PANX1: variants seen among roughly 807,000 people sequenced by gnomAD.
PANX1 encodes the protein pannexin-1.
A neutral mutation model predicts 38.7 loss-of-function variants in PANX1; 30 were observed. The ratio of observed to expected loss-of-function variants is 0.78; its 90% CI spans 0.58 to 1.05. The LOEUF (loss-of-function observed/expected upper bound fraction) is 1.05, where lower values mean the gene tolerates loss of function less well. Ranked by LOEUF, PANX1 falls within the 50% of genes least tolerant of loss-of-function variation. The pLI is 0.00. For missense variants in PANX1, 551 were observed against 517.2 expected, an observed-to-expected ratio of 1.07 and a Z score of -0.63; for synonymous variants, 230 against 212.2, an observed-to-expected ratio of 1.08 and a Z score of -0.73.
Position 94,164,770 on chromosome 11 carries a change from C to T in PANX1, c.321+11140C>T, listed in dbSNP as rs550355024. Among the ~76,000 whole-genome samples, 182 of 152,230 alleles carry T rather than the reference C, an allele frequency of 1.2e-3. 2 individuals carry two copies. Among genetic ancestry groups the T allele is most frequent in the African/African-American group, 3.5e-3 (144 of 41,554 alleles). On this transcript the variant is annotated intron_variant, in intron 2 of 4. Coordinates refer to ENST00000227638, the MANE Select transcript of PANX1 (RefSeq NM_015368.4). ...AGATGATCTGCTCAATACTGAAAGTCGGGCGTGAAGTTCCCGACTATTATT... is the reference window on the plus strand; with the variant it reads ...AGATGATCTGCTCAATACTGAAAGTTGGGCGTGAAGTTCCCGACTATTATT...
intron 2 of PANX1, among the ~76,000 whole-genome samples, chr11:94,167,416 T>C (rs1398135456): frequency 1.3e-5 from 2 of 152,178 alleles, no homozygotes; most frequent in African/African-American, 2.4e-5. Context: ...GGGTCAATCA[T>C]TGGAGGGTTC....
At chr11:94,173,481 C>T (rs1358615503) in intron 2 of PANX1, among the ~76,000 whole-genome samples, 5 of 151,628 alleles carry the variant, frequency 3.3e-5, no homozygotes, top group Admixed American at 6.6e-5. Flanking sequence ...TGCCTCCCAC[C>T]TCACTCCCGT....
chr11:94,150,027 G>A (rs890148945), intron 1 of PANX1, among the ~76,000 whole-genome samples: 9 of 148,736 alleles, frequency 6.1e-5, no homozygotes, highest in Admixed American at 5.4e-4. Flanking sequence ...ATTTAAAGAT[G>A]TGCAGAAAAG....
At chr11:94,154,129 G>T (rs1946919054) in intron 2 of PANX1, among the ~76,000 whole-genome samples, 1 of 152,178 alleles carries the variant, frequency 6.6e-6, no homozygotes, top group African/African-American at 2.4e-5. Flanking sequence ...GAGGCCCTCT[G>T]GGGGTGTTGG....
At chr11:94,169,687 AG>A (rs1313649330) in intron 2 of PANX1, among the ~76,000 whole-genome samples, 5 of 151,602 alleles carry the variant, frequency 3.3e-5, no homozygotes, top group Non-Finnish European at 7.4e-5. Context: ...GCATGCCCAC[AG>A]GGGGCTGGAT....
In PANX1 at chr11:94,179,989, C is replaced by T; in HGVS notation, c.933C>T (p.Ile311=). The T allele has an allele frequency of 6.3e-7, 1 of 1,595,082 alleles. No homozygotes were observed. The highest frequency in any genetic ancestry group is 8.6e-7 in the Non-Finnish European group (1 of 1,167,742). The part of the protein sequence containing the change: ...QKTDVLKVYE[I]LPTFDVLHFK... The stretch of plus-strand genomic sequence containing the variant: ...CAGATGTTCTCAAAGTGTACGAAAT[C>T]CTCCCCACTTTTGATGTTCTGCATT... Residue 311 remains isoleucine (I), a synonymous_variant, in exon 4 of 5, where the codon ATC becomes ATT. Transcript: ENST00000227638.
chr11:94,132,824 C>T (rs140152076), intron 1 of PANX1, among the ~76,000 whole-genome samples: 126 of 152,024 alleles, frequency 8.3e-4, no homozygotes, highest in South Asian at 7.3e-3. Context: ...AACTTTGTGG[C>T]GATTTTTCCT....
rs979995059 is a variant in PANX1, at chr11:94,179,629, C to A, written c.573C>A (p.Phe191Leu). The A allele has an allele frequency of 6.2e-7, 1 of 1,613,666 alleles. No individual in the cohort carries two copies. Among genetic ancestry groups the A allele is most frequent in the Non-Finnish European group, 8.5e-7 (1 of 1,179,724 alleles). Residue 191 changes from phenylalanine (F) to leucine (L), a missense_variant, in exon 4 of 5, where the codon TTC (phenylalanine) becomes TTA (leucine). By Grantham distance (22) the Phe-to-Leu change is conservative (BLOSUM62 0). Transcript: ENST00000227638. Reference protein sequence around the residue: ...QSLWEVSESHFKYPIVEQYLK... With the variant: ...QSLWEVSESHLKYPIVEQYLK... The stretch of plus-strand genomic sequence containing the variant: ...TGTGGGAGGTATCTGAAAGCCACTT[C>A]AAGTACCCAATTGTGGAGCAGTACT...
rs200382446 is a variant in PANX1, at chr11:94,129,318, C to T, written c.6C>T (p.Ala2=). 8.1e-6 allele frequency: 13 copies of T among 1,606,860 alleles called. No individual in the cohort carries two copies. The highest frequency in any genetic ancestry group is 1.7e-4 in the Middle Eastern group (1 of 6,032). ...GAGCCTGGCGCGCCGCAGCCATGGC[C>T]ATCGCTCAACTGGCCACGGAGTACG... M[A]IAQLATEYVF... The change falls in exon 1 of 5, where the codon GCC becomes GCT. Residue 2 remains alanine (A), a synonymous_variant. Transcript: ENST00000227638.
chr11:94,162,481 A>G (rs186031601), intron 2 of PANX1, among the ~76,000 whole-genome samples: 40 of 152,298 alleles, frequency 2.6e-4, no homozygotes, highest in Admixed American at 1.9e-3. Flanking sequence ...TGTGCTAGCA[A>G]TGAGCGAGGC....
chr11:94,172,424 A>G (rs1289919008), intron 2 of PANX1, among the ~76,000 whole-genome samples: 1 of 151,828 alleles, frequency 6.6e-6, no homozygotes, highest in East Asian at 1.9e-4. Context: ...CTGCCAGGTG[A>G]TAACTGAGGT....
intron 1 of PANX1, among the ~76,000 whole-genome samples, chr11:94,135,409 G>T (rs1591503698): frequency 1.3e-5 from 2 of 152,202 alleles, no homozygotes; most frequent in African/African-American, 2.4e-5. Flanking sequence ...CAGCGGCTGG[G>T]TGGCTTAAGT....
chr11:94,156,357 T>G (rs1160055938), intron 2 of PANX1, among the ~76,000 whole-genome samples: 1 of 152,216 alleles, frequency 6.6e-6, no homozygotes, highest in African/African-American at 2.4e-5. Flanking sequence ...GGAAGACTGC[T>G]TGTTTGAATG....
At chr11:94,171,082 C>G (rs1565384082) in intron 2 of PANX1, among the ~76,000 whole-genome samples, 1 of 151,642 alleles carries the variant, frequency 6.6e-6, no homozygotes, top group African/African-American at 2.4e-5. Flanking sequence ...AGTCACCCCT[C>G]ATTCATTCAG....
intron 1 of PANX1, among the ~76,000 whole-genome samples, chr11:94,141,525 TC>T (rs1946761457): frequency 1.3e-5 from 2 of 152,214 alleles, no homozygotes; most frequent in South Asian, 4.1e-4. Flanking sequence ...CCGCTTGTTT[TC>T]CTTGGCTTAT....
chr11:94,177,966 C>T lies in PANX1; in HGVS notation c.322-403C>T, dbSNP rs1260909691. 1.0e-4 allele frequency among the ~76,000 whole-genome samples: 15 copies of T among 150,270 alleles called. 1 individual carries two copies. The highest frequency in any genetic ancestry group is 1.8e-4 in the Non-Finnish European group (12 of 66,812). The stretch of plus-strand genomic sequence containing the variant: ...TTCCAGAGTAGGGCAAAAATGGAGC[C>T]GTATGCCTTAGTTGCTTCTTAAAAC... On this transcript the variant is annotated intron_variant, in intron 2 of 4. Coordinates refer to ENST00000227638, the MANE Select transcript of PANX1 (RefSeq NM_015368.4).
At chr11:94,146,213 A>G (rs957188618) in intron 1 of PANX1, among the ~76,000 whole-genome samples, 2 of 152,242 alleles carry the variant, frequency 1.3e-5, no homozygotes, top group Non-Finnish European at 2.9e-5. Flanking sequence ...ATCAGAGTGA[A>G]TAACAGTAAT....
intron 2 of PANX1, among the ~76,000 whole-genome samples, chr11:94,164,876 TTACAATTG>T (rs1947085582): frequency 6.6e-6 from 1 of 152,328 alleles, no homozygotes; most frequent in South Asian, 2.1e-4. Flanking sequence ...GCTTATATAT[TTACAATTG>T]TTACACCCTC....
intron 1 of PANX1, among the ~76,000 whole-genome samples, chr11:94,151,276 AGT>A (rs1265676367): frequency 6.6e-6 from 1 of 152,126 alleles, no homozygotes; most frequent in Non-Finnish European, 1.5e-5. Flanking sequence ...TAGTATAAAA[AGT>A]GTAGTTATTT....
Sources: gnomAD v4.1 joint callset for allele counts (sites outside exome capture counted in the v4.1 genomes callset) on GRCh38, gnomAD v4.1.1 for gene constraint, MANE v1.5 for transcripts, NCBI Gene and HGNC (gene_info 2026-07-23, HGNC 2026-07-21) for gene names.